INPP4A: variants seen among roughly 807,000 people sequenced by gnomAD.
INPP4A encodes the protein inositol polyphosphate-4-phosphatase, type I, 107kD.
Under a neutral mutation model 119.8 loss-of-function variants are expected in INPP4A, and 33 were observed. The ratio of observed to expected loss-of-function variants is 0.28; its 90% CI spans 0.21 to 0.37. INPP4A has a LOEUF of 0.37. Ranked by LOEUF, INPP4A falls within the 10% of genes least tolerant of loss-of-function variation. The pLI is 1.00. For synonymous variants in INPP4A, 496 were observed against 500.7 expected (o/e 0.99, Z 0.12); for missense variants, 956 against 1,289.9 (o/e 0.74, Z 3.97).
rs1037105809 is a variant in INPP4A, at chr2:98,589,341, T to A, written c.*1733T>A. The A allele has an allele frequency of 7.0e-5, 13 of 185,428 alleles. No individual in the cohort carries two copies. Among genetic ancestry groups the A allele is most frequent in the Admixed American group, 6.2e-5 (1 of 16,064 alleles). The allele number at this position is 185,428 out of a possible 1,614,324, so 11.5% of individuals were successfully genotyped here. A position where few individuals can be genotyped will look rare whatever the true frequency, so the allele number is the denominator to read the frequency against. Reference sequence around the variant, plus strand: ...AATATGGCTGATTTACCCTTTCACCTCTCCACCATCTCATTTAATTTGTAA... The same window carrying A: ...AATATGGCTGATTTACCCTTTCACCACTCCACCATCTCATTTAATTTGTAA... On this transcript the variant is annotated 3_prime_UTR_variant, in exon 25 of 25. Transcript: ENST00000409851.
Position 98,546,088 on chromosome 2 carries a change from G to C in INPP4A, c.1054+15G>C, listed in dbSNP as rs1692428176. 6.6e-7 allele frequency: 1 copy of C among 1,522,342 alleles called. No individual in the cohort carries two copies. The highest frequency in any genetic ancestry group is 9.0e-7 in the Non-Finnish European group (1 of 1,117,306). The allele number at this position is 1,522,342 out of a possible 1,614,324, so 94.3% of individuals were successfully genotyped here. The stretch of plus-strand genomic sequence containing the variant: ...TGGAGGATCAGGTACCTATTTTTCT[G>C]CTCCCTCTTGTTGAATCACATTTCG... On this transcript the variant is annotated intron_variant, in intron 12 of 24. Coordinates refer to ENST00000409851, the MANE Select transcript of INPP4A (RefSeq NM_001134225.2). The surrounding 1 kb of genome is among the most constrained non-coding windows in gnomAD (Gnocchi z 4.2).
intron 1 of INPP4A, among the ~76,000 whole-genome samples, chr2:98,496,614 T>C (rs902737813): frequency 1.3e-5 from 2 of 150,572 alleles, no homozygotes; most frequent in African/African-American, 2.5e-5. Flanking sequence ...ATTTGCAAAC[T>C]ATACATTAGA....
intron 1 of INPP4A, among the ~76,000 whole-genome samples, chr2:98,461,998 T>C (rs1439762579): frequency 6.6e-6 from 1 of 152,238 alleles, no homozygotes; most frequent in Non-Finnish European, 1.5e-5. Flanking sequence ...TCTGGCTGGA[T>C]TGAGCATCAT....
At chr2:98,458,374 C>T (rs1325195735) in intron 1 of INPP4A, among the ~76,000 whole-genome samples, 1 of 152,042 alleles carries the variant, frequency 6.6e-6, no homozygotes, top group African/African-American at 2.4e-5. Context: ...ATAGCCCTTT[C>T]TCACCTTCTC....
At position 98,539,548 on chromosome 2, in the gene INPP4A, C is replaced by G; in HGVS notation, c.691C>G (p.Arg231Gly). The change falls in exon 10 of 25, where the codon CGC becomes GGC. Residue 231 changes from arginine to glycine, a missense_variant. This residue lies in a region of INPP4A where 652 missense variants were observed against 797.9 expected (regional missense o/e 0.82). Transcript: ENST00000409851. ...CTCAGTGTTCGGTGGTGCCATCTGCCGCATGTACCGGTTTCCAACCACTGA... is the reference window on the plus strand; with the variant it reads ...CTCAGTGTTCGGTGGTGCCATCTGCGGCATGTACCGGTTTCCAACCACTGA... ...LKSVFGGAIC[R>G]MYRFPTTDGN... 2 of 1,610,584 alleles carry G rather than the reference C, an allele frequency of 1.2e-6. No individual in the cohort carries two copies. The highest frequency in any genetic ancestry group is 1.7e-6 in the Non-Finnish European group (2 of 1,177,950).
At chr2:98,558,388 T>C (rs1290603617) in intron 16 of INPP4A, among the ~76,000 whole-genome samples, 1 of 152,232 alleles carries the variant, frequency 6.6e-6, no homozygotes, top group African/African-American at 2.4e-5. Context: ...GCCACAGTTC[T>C]ATATCACTGT....
Position 98,444,879 on chromosome 2 carries a change from C to CT in INPP4A, c.-371dup, listed in dbSNP as rs1392448747. The stretch of plus-strand genomic sequence containing the variant: ...CGGCGTCTAGAGCGGCGGCGGCTGG[C>CT]TAGGGCTGCGGCGCGCGTGGAGGGT... On this transcript the variant is annotated 5_prime_UTR_variant, in exon 1 of 25. Transcript: ENST00000409851. The CT allele has an allele frequency of 6.6e-6, 1 of 152,068 alleles. No homozygotes were observed. The highest frequency in any genetic ancestry group is 1.9e-4 in the East Asian group (1 of 5,180). The allele number at this position is 152,068 out of a possible 1,614,324, so 9.4% of individuals were successfully genotyped here.
chr2:98,577,996 C>A (rs1023293595), intron 24 of INPP4A, among the ~76,000 whole-genome samples: 1 of 152,152 alleles, frequency 6.6e-6, no homozygotes, highest in Non-Finnish European at 1.5e-5. Flanking sequence ...ATGTTTCTGC[C>A]GTTTGACCTT....
chr2:98,545,192 C>G (rs1019539146), intron 11 of INPP4A, among the ~76,000 whole-genome samples: 1 of 152,176 alleles, frequency 6.6e-6, no homozygotes, highest in African/African-American at 2.4e-5. Context: ...GTCTGTGATT[C>G]ATATGCTGGC....
chr2:98,587,646 T>C lies in INPP4A; in HGVS notation c.*38T>C, dbSNP rs780041977. ...CTCTAATTAGCTGTTACATAATAAA[T>C]GTGGGTACCCTCTAGTGTCATATAT... is the stretch of plus-strand genomic sequence containing the variant. On this transcript the variant is annotated 3_prime_UTR_variant, in exon 25 of 25. Transcript: ENST00000409851. 7.1e-6 allele frequency: 11 copies of C among 1,539,688 alleles called. No individual in the cohort carries two copies. Among genetic ancestry groups the C allele is most frequent in the Non-Finnish European group, 8.8e-6 (10 of 1,136,378 alleles).
intron 22 of INPP4A, chr2:98,568,875 T>G: frequency 1.9e-6 from 1 of 532,322 alleles, no homozygotes; most frequent in Non-Finnish European, 3.4e-6. Context: ...CTGTCGATTC[T>G]CTACTAGCCT....
rs766079936 is a variant in INPP4A, at chr2:98,554,477, C to T, written c.1554C>T (p.His518=). The change falls in exon 15 of 25, where the codon CAC becomes CAT. Residue 518 remains histidine (H), a synonymous_variant. Transcript: ENST00000409851. This position sits in a 1 kb window ranked among gnomAD's most constrained non-coding sequence, Gnocchi z 4.7. ...GATCTTCCCTGCAGGTGGACTGGCA[C>T]GAGGAGGAGTGGGTGAGTCTGCTGC... is the stretch of plus-strand genomic sequence containing the variant. The part of the protein sequence containing the change: ...NSRSSLQVDW[H]EEEWEKVWLN... The T allele has an allele frequency of 3.0e-5, 48 of 1,613,222 alleles. 1 individual carries two copies. The highest frequency in any genetic ancestry group is 1.3e-4 in the East Asian group (6 of 44,892).
At chr2:98,582,079 C>T (rs1396759893) in intron 24 of INPP4A, among the ~76,000 whole-genome samples, 2 of 152,220 alleles carry the variant, frequency 1.3e-5, no homozygotes, top group Non-Finnish European at 2.9e-5. Context: ...TATTTATCAC[C>T]TGTACCTCTC....
At chr2:98,514,057 G>A (rs1685635694) in intron 1 of INPP4A, among the ~76,000 whole-genome samples, 1 of 152,184 alleles carries the variant, frequency 6.6e-6, no homozygotes, top group African/African-American at 2.4e-5. Flanking sequence ...AACGGAGGCT[G>A]GTCTGGAACA....
rs575402881 is a variant in INPP4A at position 98,532,612 on chromosome 2, G to A, written c.152-765G>A. On this transcript the variant is annotated intron_variant, in intron 4 of 24. Transcript: ENST00000409851. ...AGCTTCCTAGGCACCTAGGCTACATGTATAGCCTGTTATTCCTAGGCTACC... is the reference window on the plus strand; with the variant it reads ...AGCTTCCTAGGCACCTAGGCTACATATATAGCCTGTTATTCCTAGGCTACC... 2.6e-5 allele frequency among the ~76,000 whole-genome samples: 4 copies of A among 152,280 alleles called. No homozygotes were observed. In the South Asian group the frequency reaches 8.3e-4, roughly 32 times the overall value.
chr2:98,547,317 C>G (rs1343112695), intron 13 of INPP4A, among the ~76,000 whole-genome samples: 1 of 152,202 alleles, frequency 6.6e-6, no homozygotes, highest in East Asian at 1.9e-4. Context: ...GTTCCAGGAG[C>G]TCAGGGCCTT....
Position 98,546,547 on chromosome 2 carries a change from T to C in INPP4A, c.1055-39T>C. ...CCTATAGCTGGCTTGTCCACAGGCC[T>C]GAGCCCAGAGTAATGGAGGAGAGCT... On this transcript the variant is annotated intron_variant, in intron 12 of 24. Coordinates refer to ENST00000409851, the MANE Select transcript of INPP4A (RefSeq NM_001134225.2). This position sits in a 1 kb window ranked among gnomAD's most constrained non-coding sequence, Gnocchi z 4.2. 6.7e-7 allele frequency: 1 copy of C among 1,484,348 alleles called. No individual in the cohort carries two copies. The highest frequency in any genetic ancestry group is 1.4e-5 in the African/African-American group (1 of 72,374). 91.9% of individuals were successfully genotyped at this position (1,484,348 alleles called of 1,614,324 possible).
chr2:98,493,026 A>T (rs1279294225), intron 1 of INPP4A, among the ~76,000 whole-genome samples: 2 of 151,916 alleles, frequency 1.3e-5, no homozygotes, highest in African/African-American at 4.8e-5. Flanking sequence ...AGCCTGAAAG[A>T]CCCTCCACCA....
chr2:98,469,281 G>A (rs1675469617), intron 1 of INPP4A, among the ~76,000 whole-genome samples: 1 of 152,018 alleles, frequency 6.6e-6, no homozygotes, highest in Non-Finnish European at 1.5e-5. Context: ...GGTAGATCAC[G>A]AGGTCAGGAG....
Sources: allele counts gnomAD v4.1 joint callset (sites outside exome capture counted in the v4.1 genomes callset), GRCh38; gene constraint gnomAD v4.1.1; regional missense constraint gnomAD v4.1.1; non-coding constraint Gnocchi (gnomAD v3.1); transcripts MANE v1.5; gene names NCBI Gene and HGNC (gene_info 2026-07-23, HGNC 2026-07-21).